DOCK8: variants seen among roughly 807,000 people sequenced by gnomAD.
DOCK8 encodes dedicator of cytokinesis protein 8.
Under a neutral mutation model 245.6 loss-of-function variants are expected in DOCK8, and 141 were observed. The ratio of observed to expected loss-of-function variants is 0.57; its 90% CI spans 0.50 to 0.66. The LOEUF (loss-of-function observed/expected upper bound fraction) is 0.66. DOCK8 is among the 30% of genes least tolerant of loss of function. DOCK8 has a pLI of 0.00. For synonymous variants in DOCK8, 1,168 were observed against 970.2 expected (o/e 1.20, Z -3.79); for missense variants, 2,965 against 2,603.4 (o/e 1.14, Z -3.02).
chr9:384,951 C>A (rs991226988), intron 22 of DOCK8, among the ~76,000 whole-genome samples: 3 of 151,974 alleles, frequency 2.0e-5, no homozygotes, highest in African/African-American at 7.2e-5. Context: ...AATGAAAAAA[C>A]CACTGGATTC....
chr9:454,656 C>A (rs1025160827), intron 46 of DOCK8: 1 of 152,174 alleles, frequency 6.6e-6, no homozygotes, highest in Non-Finnish European at 1.5e-5. Context: ...GTAAATGAGG[C>A]TCTGAATACA....
At chr9:401,066 A>ACCT (rs1268353598) in intron 26 of DOCK8, among the ~76,000 whole-genome samples, 53 of 16,694 alleles carry the variant, frequency 3.2e-3, no homozygotes, top group Non-Finnish European at 4.1e-3. Flanking sequence ...CATCATTGTC[A>ACCT]CCATCATCAC....
chr9:384,801 A>G (rs2053880405), intron 22 of DOCK8, among the ~76,000 whole-genome samples: 1 of 152,194 alleles, frequency 6.6e-6, no homozygotes, highest in Non-Finnish European at 1.5e-5. Flanking sequence ...CTGTAATCCC[A>G]GCTACTCAGG....
intron 1 of DOCK8, among the ~76,000 whole-genome samples, chr9:269,358 T>G (rs2048105215): frequency 6.6e-6 from 1 of 152,168 alleles, no homozygotes; most frequent in Admixed American, 6.5e-5. Context: ...TTTCCAAGGT[T>G]CATTTATGTT....
At chr9:344,817 G>T (rs369087590) in intron 14 of DOCK8, among the ~76,000 whole-genome samples, 6 of 152,188 alleles carry the variant, frequency 3.9e-5, no homozygotes, top group African/African-American at 1.4e-4. Flanking sequence ...GGAGGCCAAG[G>T]CAGGTGAATC....
At position 371,319 on chromosome 9, in the gene DOCK8, G is replaced by C. The variant is rs183189913; in HGVS notation, c.1869-109G>C. On this transcript the variant is annotated intron_variant, in intron 16 of 47. Transcript: ENST00000432829. ...AGAGCAGAGTAATGTAAAATGAAAAGCAAAACACCAGGCAAATTCTGAGGA... is the reference window on the plus strand; with the variant it reads ...AGAGCAGAGTAATGTAAAATGAAAACCAAAACACCAGGCAAATTCTGAGGA... The C allele has an allele frequency of 1.5e-3, 2,012 of 1,365,064 alleles. 3 individuals carry two copies. Among genetic ancestry groups the C allele is most frequent in the Non-Finnish European group, 1.9e-3 (1,873 of 961,554 alleles). The allele number at this position is 1,365,064 out of a possible 1,614,324, so 84.6% of individuals were successfully genotyped here. A position where few individuals can be genotyped will look rare whatever the true frequency, so the allele number is the denominator to read the frequency against.
chr9:304,169 T>C (rs1219741269), intron 4 of DOCK8, among the ~76,000 whole-genome samples: 2 of 152,224 alleles, frequency 1.3e-5, no homozygotes, highest in African/African-American at 2.4e-5. Flanking sequence ...ATTAAGAACA[T>C]TGATGTGAAG....
At chr9:368,398 C>T (rs975841523) in intron 15 of DOCK8, 1 of 664,368 alleles carries the variant, frequency 1.5e-6, no homozygotes, top group Non-Finnish European at 2.8e-6. Context: ...TAAAGTCTTT[C>T]CATACTGCCC....
rs147210697 is a variant in DOCK8 at position 367,730 on chromosome 9, A to G, written c.1680-288A>G. On this transcript the variant is annotated intron_variant, in intron 14 of 47. Transcript: ENST00000432829. ...TCTTTATCTGTGTATCAGATAGACA[A>G]TTACCTCTAGGCAGATTTCCACATT... Among the ~76,000 whole-genome samples the G allele has an allele frequency of 2.5e-3, 382 of 152,326 alleles. 1 individual carries two copies. In the Middle Eastern group the frequency reaches 0.041, roughly 16 times the overall value.
chr9:400,180 A>T (rs1226636833), intron 26 of DOCK8, among the ~76,000 whole-genome samples: 1 of 110,684 alleles, frequency 9.0e-6, no homozygotes, highest in Non-Finnish European at 1.9e-5. Context: ...CACCATCACC[A>T]CCTCCTTCAC....
Position 315,135 on chromosome 9 carries a change from A to G in DOCK8, c.742-1908A>G, listed in dbSNP as rs543381797. On this transcript the variant is annotated intron_variant, in intron 6 of 47. Coordinates refer to ENST00000432829, the MANE Select transcript of DOCK8 (RefSeq NM_203447.4). ...AGGGGAGTACTTCTTGGCTCACCTA[A>G]GAAAATCACAGGTAGGCAAATGTGG... Among the ~76,000 whole-genome samples the G allele has an allele frequency of 2.6e-5, 4 of 152,354 alleles. No homozygotes were observed. The Middle Eastern group carries it at 0.01, about 389-fold the overall frequency.
chr9:218,111 C>T (rs543825727), intron 1 of DOCK8, among the ~76,000 whole-genome samples: 2 of 152,048 alleles, frequency 1.3e-5, no homozygotes, highest in African/African-American at 4.8e-5. Flanking sequence ...GAAATGTTTT[C>T]CCTTACGTGC....
At chr9:307,338 G>GTTTTTTTTTTTTTTTTTTT (rs1165775428) in intron 5 of DOCK8, among the ~76,000 whole-genome samples, 1 of 51,218 alleles carries the variant, frequency 2.0e-5, no homozygotes, top group Non-Finnish European at 4.3e-5. Flanking sequence ...GGTTTTTTTT[G>GTTTTTTTTTTTTTTTTTTT]TTTTTTTTTT....
chr9:450,385 C>T (rs1412958232), intron 45 of DOCK8, among the ~76,000 whole-genome samples: 1 of 152,142 alleles, frequency 6.6e-6, no homozygotes, highest in African/African-American at 2.4e-5. Context: ...TGCCAAGGAC[C>T]TTGACAACCA....
At chr9:418,365 G>A (rs1426809779) in intron 30 of DOCK8, among the ~76,000 whole-genome samples, 158 bp downstream of exon 30, 1 of 152,138 alleles carries the variant, frequency 6.6e-6, no homozygotes, top group Non-Finnish European at 1.5e-5. Flanking sequence ...TCCGCCTCCC[G>A]GGTTCTTCAT....
At chr9:322,911 G>A (rs2050583890) in intron 7 of DOCK8, among the ~76,000 whole-genome samples, 1 of 151,918 alleles carries the variant, frequency 6.6e-6, no homozygotes, top group Non-Finnish European at 1.5e-5. Context: ...TGGACAACAT[G>A]GTAAGACCCC....
At chr9:318,269 T>C (rs2050434405) in intron 7 of DOCK8, among the ~76,000 whole-genome samples, 1 of 152,196 alleles carries the variant, frequency 6.6e-6, no homozygotes. Context: ...AAGCGTAACA[T>C]TTATTTATAT....
At chr9:275,413 G>A (rs750453964) in intron 2 of DOCK8, among the ~76,000 whole-genome samples, 1 of 152,126 alleles carries the variant, frequency 6.6e-6, no homozygotes, top group Non-Finnish European at 1.5e-5. Flanking sequence ...AGAAGGCTGA[G>A]AAGACTTAGA....
chr9:214,489 A>ACC, upstream of DOCK8: 1 of 1,607,422 alleles, frequency 6.2e-7, no homozygotes, highest in Non-Finnish European at 8.5e-7. Flanking sequence ...AATGGTGTCA[A>ACC]CCCTTAATAA....
Sources: gnomAD v4.1 joint callset for allele counts (sites outside exome capture counted in the v4.1 genomes callset) on GRCh38, gnomAD v4.1.1 for gene constraint, MANE v1.5 for transcripts, NCBI Gene and HGNC (gene_info 2026-07-23, HGNC 2026-07-21) for gene names.